Variants in ATP10B observed in about 807,000 individuals in gnomAD.
ATP10B encodes ATPase phospholipid transporting 10B (putative), also known as phospholipid-transporting ATPase VB.
Under a neutral mutation model 141.2 loss-of-function variants are expected in ATP10B, and 122 were observed. That is an observed-to-expected ratio of 0.86 (90% CI 0.75 to 1.00). The LOEUF (loss-of-function observed/expected upper bound fraction) is 1.00. Ranked by LOEUF, ATP10B falls within the 50% of genes least tolerant of loss-of-function variation. ATP10B has a pLI of 0.00. For synonymous variants in ATP10B, 685 were observed against 692.0 expected (o/e 0.99, Z 0.16); for missense variants, 1,876 against 1,825.3 (o/e 1.03, Z -0.51).
At chr5:160,876,894 T>C in the ATP10B span, among the ~76,000 whole-genome samples, 8 of 143,356 alleles carry the variant, frequency 5.6e-5, no homozygotes, top group African/African-American at 2.0e-4. Flanking sequence ...CAATAATCAA[T>C]AGTTTACCAA....
intron 1 of ATP10B, among the ~76,000 whole-genome samples, chr5:160,802,257 A>G (rs1167296819): frequency 6.6e-6 from 1 of 152,174 alleles, no homozygotes; most frequent in East Asian, 1.9e-4. Context: ...AGTCAACGGG[A>G]TGGGCTAAGG....
At chr5:160,860,361 G>A in the ATP10B span, among the ~76,000 whole-genome samples, 2 of 151,876 alleles carry the variant, frequency 1.3e-5, no homozygotes, top group East Asian at 1.9e-4. Flanking sequence ...CATTGTTTCT[G>A]TTATGATAAT....
rs1762782877 is a variant in ATP10B at position 160,672,611 on chromosome 5, A to G, written c.471-1944T>C. 2.0e-5 allele frequency among the ~76,000 whole-genome samples: 3 copies of G among 152,230 alleles called. No individual in the cohort carries two copies. The South Asian group carries it at 6.2e-4, about 32-fold the overall frequency. ...ACATGTGGTCTTTCTAACTGAGCCC[A>G]GCTGGCTTGAAGCTGGGTGCCTCTG... On this transcript the variant is annotated intron_variant, in intron 6 of 25. Coordinates refer to ENST00000327245, the MANE Select transcript of ATP10B (RefSeq NM_025153.3).
At chr5:160,632,053 CT>C (rs1758971142) in intron 13 of ATP10B, 75 bp downstream of exon 13, 2 of 1,398,202 alleles carry the variant, frequency 1.4e-6, no homozygotes, top group South Asian at 2.8e-5. Context: ...ACAATTTTTT[CT>C]TTTTCACATT....
At chr5:160,824,264 C>T (rs1774405966) in intron 1 of ATP10B, among the ~76,000 whole-genome samples, 1 of 152,136 alleles carries the variant, frequency 6.6e-6, no homozygotes, top group South Asian at 2.1e-4. Context: ...GATCCAACCA[C>T]CTCAGCCTCC....
At chr5:160,760,897 C>T (rs1458071503) in intron 2 of ATP10B, among the ~76,000 whole-genome samples, 1 of 134,854 alleles carries the variant, frequency 7.4e-6, no homozygotes, top group African/African-American at 2.6e-5. Flanking sequence ...CTCAGACCCA[C>T]CTACCCTCCC....
At chr5:160,900,796 T>C in the ATP10B span, among the ~76,000 whole-genome samples, 1 of 115,134 alleles carries the variant, frequency 8.7e-6, no homozygotes, top group Non-Finnish European at 2.1e-5. Context: ...ATTTACATTT[T>C]TTTTTTATTT....
chr5:160,806,265 G>A (rs1479472642), intron 1 of ATP10B, among the ~76,000 whole-genome samples: 1 of 152,162 alleles, frequency 6.6e-6, no homozygotes, highest in Admixed American at 6.5e-5. Flanking sequence ...CATCACAGAG[G>A]GATTCCATGT....
At chr5:160,770,002 G>A (rs1312480142) in intron 2 of ATP10B, among the ~76,000 whole-genome samples, 2 of 152,204 alleles carry the variant, frequency 1.3e-5, no homozygotes, top group East Asian at 3.8e-4. Flanking sequence ...AAAGAGAAGT[G>A]ATAGGAGGTA....
rs561493943 is a variant in ATP10B at position 160,768,476 on chromosome 5, C to T, written c.-331+17083G>A. Reference sequence around the variant, plus strand: ...ACTGCCCATACATCATGATCTAAAGCAAGGTCATCCTCACTTTCCAGGTCC... The same window carrying T: ...ACTGCCCATACATCATGATCTAAAGTAAGGTCATCCTCACTTTCCAGGTCC... On this transcript the variant is annotated intron_variant, in intron 2 of 25. Transcript: ENST00000327245. Among the ~76,000 whole-genome samples, 220 of 152,270 alleles carry T rather than the reference C, an allele frequency of 1.4e-3. 1 individual carries two copies. The highest frequency in any genetic ancestry group is 4.9e-3 in the African/African-American group (204 of 41,562).
intron 1 of ATP10B, among the ~76,000 whole-genome samples, chr5:160,832,377 C>A (rs1215509102): frequency 1.3e-5 from 2 of 151,990 alleles, no homozygotes; most frequent in African/African-American, 4.8e-5. Context: ...TATATAAATA[C>A]TCAAAAGAAT....
In ATP10B at chr5:160,721,858, A is replaced by C. The variant is rs1440861623; in HGVS notation, c.-330-4824T>G. Among the ~76,000 whole-genome samples the C allele has an allele frequency of 3.3e-5, 5 of 152,196 alleles. No homozygotes were observed. The East Asian group carries it at 9.6e-4, about 29-fold the overall frequency. On this transcript the variant is annotated intron_variant, in intron 2 of 25. Transcript: ENST00000327245. Reference sequence around the variant, plus strand: ...CTTAATAAGACAAAATTAAGAAACAACTCCAAAGCTGGTCCTGTCTTGGAG... The same window carrying C: ...CTTAATAAGACAAAATTAAGAAACACCTCCAAAGCTGGTCCTGTCTTGGAG...
intron 1 of ATP10B, among the ~76,000 whole-genome samples, chr5:160,816,904 T>C (rs1380095025): frequency 3.9e-5 from 6 of 152,176 alleles, no homozygotes; most frequent in South Asian, 4.2e-4. Context: ...ACAAAAACCA[T>C]ATAATTATCT....
rs1436547325 is a variant in ATP10B at position 160,670,594 on chromosome 5, C to T, written c.544G>A (p.Glu182Lys). 42 of 1,613,784 alleles carry T rather than the reference C, an allele frequency of 2.6e-5. No individual in the cohort carries two copies. Among genetic ancestry groups the T allele is most frequent in the Non-Finnish European group, 3.5e-5 (41 of 1,179,868 alleles). ...AGGAGTATGTCTGCTGGGACAATCT[C>T]ATTGCATTTCATTTGGATGAAGTCT... ...VGDFIQMKCN[E>K]IVPADILLLF... The change falls in exon 7 of 26, where the codon GAG becomes AAG. Residue 182 changes from glutamate to lysine, a missense_variant. Coordinates refer to ENST00000327245, the MANE Select transcript of ATP10B (RefSeq NM_025153.3).
At position 160,654,453 on chromosome 5, in the gene ATP10B, T is replaced by C. The variant is rs185337327; in HGVS notation, c.676-5197A>G. 3.0e-3 allele frequency among the ~76,000 whole-genome samples: 461 copies of C among 152,222 alleles called. 1 individual carries two copies. Among genetic ancestry groups the C allele is most frequent in the African/African-American group, 0.011 (442 of 41,544 alleles). ...AAGTCTTGCTTTCCAGCAAAAGGCC[T>C]AGGGAGCCATTAAGACACAGGAAAA... On this transcript the variant is annotated intron_variant, in intron 7 of 25. Transcript: ENST00000327245.
chr5:160,852,876 G>A (rs1427267402), upstream of ATP10B, among the ~76,000 whole-genome samples: 1 of 150,886 alleles, frequency 6.6e-6, no homozygotes, highest in African/African-American at 2.4e-5. Context: ...AGAGAAGGTA[G>A]AATGAGCAGT....
intron 19 of ATP10B, 72 bp downstream of exon 19, chr5:160,606,693 C>T (rs1757408581): frequency 6.7e-7 from 1 of 1,485,684 alleles, no homozygotes; most frequent in Non-Finnish European, 9.2e-7. Context: ...GACCTGACCT[C>T]CCACCTCTGG....
chr5:160,890,530 T>C, the ATP10B span, among the ~76,000 whole-genome samples: 34 of 149,158 alleles, frequency 2.3e-4, no homozygotes, highest in African/African-American at 8.3e-4. Flanking sequence ...ATAAGTGCTA[T>C]TATATAACAT....
chr5:160,686,150 A>G lies in ATP10B; in HGVS notation c.399T>C (p.Asp133=). Residue 133 remains aspartate (D), a synonymous_variant, in exon 6 of 26, where the codon GAT becomes GAC. Coordinates refer to ENST00000327245, the MANE Select transcript of ATP10B (RefSeq NM_025153.3). Reference sequence around the variant, plus strand: ...GGTGTCTCTTGAAGTCCTCCATGCCATCCTTGATCATGATGACGAACAGGA... The same window carrying G: ...GGTGTCTCTTGAAGTCCTCCATGCCGTCCTTGATCATGATGACGAACAGGA... ...AIVLFVIMIK[D]GMEDFKRHRF... 1 of 1,613,082 alleles carries G rather than the reference A, an allele frequency of 6.2e-7. No individual in the cohort carries two copies. Among genetic ancestry groups the G allele is most frequent in the Non-Finnish European group, 8.5e-7 (1 of 1,179,276 alleles).
Sources: allele counts gnomAD v4.1 joint callset (sites outside exome capture counted in the v4.1 genomes callset), GRCh38; gene constraint gnomAD v4.1.1; transcripts MANE v1.5; gene names NCBI Gene and HGNC (gene_info 2026-07-23, HGNC 2026-07-21).